The following UPP2 variants were observed in gnomAD, a reference collection of about 807,000 sequenced individuals.
UPP2 encodes the protein UPase 2.
Under a neutral mutation model 26.7 loss-of-function variants are expected in UPP2, and 23 were observed. The ratio of observed to expected loss-of-function variants is 0.86; its 90% CI spans 0.62 to 1.22. The LOEUF (loss-of-function observed/expected upper bound fraction) is 1.22, where lower values mean the gene tolerates loss of function less well. Ranked by LOEUF, UPP2 falls within the 50% of genes most tolerant of loss-of-function variation. UPP2 has a pLI of 0.00. For synonymous variants in UPP2, 127 were observed against 141.3 expected (o/e 0.90, Z 0.72); for missense variants, 387 against 396.7 (o/e 0.98, Z 0.21).
chr2:158,090,447 G>C (rs1682892676), intron 3 of UPP2, among the ~76,000 whole-genome samples: 1 of 152,158 alleles, frequency 6.6e-6, no homozygotes, highest in African/African-American at 2.4e-5. Flanking sequence ...CTTGCAGTGA[G>C]CCGAGATGGT....
rs1043207988 is a variant in UPP2, at chr2:158,114,573, C to A, written c.181-528C>A. 3.5e-4 allele frequency among the ~76,000 whole-genome samples: 53 copies of A among 152,208 alleles called. 1 individual carries two copies. The highest frequency in any genetic ancestry group is 7.2e-5 in the African/African-American group (3 of 41,462). On this transcript the variant is annotated intron_variant, in intron 2 of 6. Transcript: ENST00000005756. ...AATAAGGCTTGTTCCATGAGAATTTCTTCTGAATAAGAAATTTAAAAGTCT... is the reference window on the plus strand; with the variant it reads ...AATAAGGCTTGTTCCATGAGAATTTATTCTGAATAAGAAATTTAAAAGTCT...
rs2105166700 is a variant in UPP2, at chr2:158,045,060, A to G, written c.147+29174A>G. Among the ~76,000 whole-genome samples the G allele has an allele frequency of 2.0e-5, 3 of 152,166 alleles. No individual in the cohort carries two copies. In the Middle Eastern group the frequency reaches 0.01, roughly 518 times the overall value. On this transcript the variant is annotated intron_variant, in intron 3 of 9. Coordinates refer to the UPP2 transcript ENST00000605860. ...ACCTTTCCACCTTTTTCCTGAATGT[A>G]TTTTCTTTTCCCTTCCAAATCATAT...
chr2:158,010,130 T>C (rs1198815308), intron 2 of UPP2, among the ~76,000 whole-genome samples: 1 of 152,250 alleles, frequency 6.6e-6, no homozygotes, highest in Non-Finnish European at 1.5e-5. Flanking sequence ...TGCATGTATT[T>C]TGGTTTTATG....
rs939539497 is a variant in UPP2 at position 157,995,336 on chromosome 2, T to G, written c.61+77T>G. The G allele has an allele frequency of 5.4e-6, 8 of 1,493,982 alleles. No homozygotes were observed. The African/African-American group carries it at 1.1e-4, about 21-fold the overall frequency. 92.5% of individuals were successfully genotyped at this position (1,493,982 alleles called of 1,614,324 possible). ...TCATATTCCAAGTCTCAGTACAAAT[T>G]AATTTTGAATTATGTGGTTGATGTT... On this transcript the variant is annotated intron_variant, in intron 2 of 9. Transcript: ENST00000605860.
chr2:158,106,203 T>C lies in UPP2; in HGVS notation c.167T>C (p.Phe56Ser). The C allele has an allele frequency of 6.2e-7, 1 of 1,610,150 alleles. No individual in the cohort carries two copies. Among genetic ancestry groups the C allele is most frequent in the Non-Finnish European group, 8.5e-7 (1 of 1,178,758 alleles). ...GTKTHNLPAM[F>S]GDVKFVCVGG... is the part of the protein sequence containing the mutation. Reference sequence around the variant, plus strand: ...AAAACACACAACCTACCAGCAATGTTTGGAGATGTAAAGGTAAAAACATTT... The same window carrying C: ...AAAACACACAACCTACCAGCAATGTCTGGAGATGTAAAGGTAAAAACATTT... Residue 56 changes from phenylalanine to serine, a missense_variant, in exon 2 of 7, where the codon TTT becomes TCT. Physicochemically the swap from Phe to Ser is radical, Grantham distance 155. Coordinates refer to ENST00000005756, the MANE Select transcript of UPP2 (RefSeq NM_173355.4).
chr2:158,068,201 T>C (rs1242890264), intron 3 of UPP2, among the ~76,000 whole-genome samples: 1 of 152,110 alleles, frequency 6.6e-6, no homozygotes, highest in Non-Finnish European at 1.5e-5. Flanking sequence ...GCTCTGAAAA[T>C]GCAAAAGAAG....
chr2:158,023,240 C>A (rs1177162564), intron 3 of UPP2, among the ~76,000 whole-genome samples: 4 of 103,936 alleles, frequency 3.8e-5, no homozygotes, highest in Non-Finnish European at 6.4e-5. Context: ...TGGGGGGGGG[C>A]ATTTGGAAGG....
intron 3 of UPP2, among the ~76,000 whole-genome samples, chr2:158,071,349 A>G (rs7567609): frequency 0.6 from 90,200 of 151,082 alleles, 28,146 homozygotes; most frequent in African/African-American, 0.72. Flanking sequence ...TCAGGAGTAC[A>G]AGACCAGCCT....
At chr2:158,037,423 C>T (rs1684021043) in intron 3 of UPP2, among the ~76,000 whole-genome samples, 1 of 151,910 alleles carries the variant, frequency 6.6e-6, no homozygotes. Context: ...TATTAGTTTC[C>T]TAGGGCTATT....
chr2:158,020,070 G>C (rs1010206763), intron 3 of UPP2, among the ~76,000 whole-genome samples: 3 of 152,164 alleles, frequency 2.0e-5, no homozygotes, highest in Non-Finnish European at 2.9e-5. Flanking sequence ...TGCTTGAAAG[G>C]CCCAGACTTG....
intron 3 of UPP2, among the ~76,000 whole-genome samples, chr2:158,021,652 C>T (rs2105148855): frequency 6.6e-6 from 1 of 152,292 alleles, no homozygotes; most frequent in Non-Finnish European, 1.5e-5. Context: ...ATAGATTTAT[C>T]AAAGTTTGAT....
rs567620537 is a variant in UPP2, at chr2:158,089,345, C to T, written c.148-12695C>T. Among the ~76,000 whole-genome samples the T allele has an allele frequency of 2.2e-4, 34 of 152,298 alleles. 1 individual carries two copies. Among genetic ancestry groups the T allele is most frequent in the Admixed American group, 7.8e-4 (12 of 15,298 alleles). ...CTCCCACCGTGCCCCTTTGACAGCA[C>T]TGAGTTTGTTTCCAGGCAGTGGGTA... On this transcript the variant is annotated intron_variant, in intron 3 of 9. Coordinates refer to the UPP2 transcript ENST00000605860.
intron 6 of UPP2, among the ~76,000 whole-genome samples, chr2:158,134,185 G>GT (rs2105236888): frequency 6.6e-6 from 1 of 152,124 alleles, no homozygotes; most frequent in African/African-American, 2.4e-5. Flanking sequence ...TTCATATCAT[G>GT]TTTTTTCCTC....
At chr2:157,998,235 C>T (rs189101793) in intron 2 of UPP2, among the ~76,000 whole-genome samples, 100 of 152,166 alleles carry the variant, frequency 6.6e-4, no homozygotes, top group African/African-American at 2.4e-3. Context: ...GAAGGGAATC[C>T]ACAGGCTTAG....
At chr2:158,115,921 T>G (rs1483859573) in intron 3 of UPP2, among the ~76,000 whole-genome samples, 3 of 152,138 alleles carry the variant, frequency 2.0e-5, no homozygotes, top group African/African-American at 7.2e-5. Context: ...AAGCAATAAC[T>G]CTGAAGCCAT....
intron 3 of UPP2, among the ~76,000 whole-genome samples, chr2:158,058,573 C>A (rs1316128858): frequency 6.6e-6 from 1 of 152,056 alleles, no homozygotes; most frequent in Admixed American, 6.6e-5. Flanking sequence ...GGACTTCCAG[C>A]CTCCTGAACC....
In UPP2 at chr2:158,123,869, C is replaced by T; in HGVS notation, c.785C>T (p.Ala262Val). The T allele has an allele frequency of 6.2e-7, 1 of 1,613,978 alleles. No individual in the cohort carries two copies. Among genetic ancestry groups the T allele is most frequent in the Non-Finnish European group, 8.5e-7 (1 of 1,179,870 alleles). ...GAAATGGAATCTACAGTGTTTGCAG[C>T]TATGTGTGGACTCTGTGGTCTAAAA... is the stretch of plus-strand genomic sequence containing the variant. ...NIEMESTVFA[A>V]MCGLCGLKAA... Residue 262 changes from alanine to valine, a missense_variant, in exon 6 of 7, where the codon GCT becomes GTT. Ala to Val is a moderately conservative substitution (Grantham distance 64, BLOSUM62 0). Coordinates refer to ENST00000005756, the MANE Select transcript of UPP2 (RefSeq NM_173355.4).
intron 3 of UPP2, among the ~76,000 whole-genome samples, chr2:158,093,510 T>C (rs1175316185): frequency 6.6e-6 from 1 of 152,080 alleles, no homozygotes; most frequent in Non-Finnish European, 1.5e-5. Flanking sequence ...ATTCATCATA[T>C]ATAAAAATCT....
chr2:158,101,347 A>G (rs1215997456), upstream of UPP2, among the ~76,000 whole-genome samples: 1 of 152,250 alleles, frequency 6.6e-6, no homozygotes, highest in Non-Finnish European at 1.5e-5. Flanking sequence ...CTGGTTCAAT[A>G]AATTTTACCA....
Sources: gnomAD v4.1 joint callset for allele counts (sites outside exome capture counted in the v4.1 genomes callset) on GRCh38, gnomAD v4.1.1 for gene constraint, MANE v1.5 for transcripts, NCBI Gene and HGNC (gene_info 2026-07-23, HGNC 2026-07-21) for gene names.